Variants in MGMT observed in about 807,000 individuals in gnomAD.
MGMT encodes the protein O-6-methylguanine-DNA methyltransferase, also known as methylated-DNA--protein-cysteine methyltransferase.
MGMT carries 14 observed loss-of-function variants against 15.9 expected under a neutral mutation model. The observed-to-expected ratio is 0.88, with a 90% confidence interval of 0.58 to 1.37. The LOEUF (loss-of-function observed/expected upper bound fraction) is 1.37, where lower values mean the gene tolerates loss of function less well. MGMT is among the 40% of genes most tolerant of loss of function. The probability of loss-of-function intolerance (pLI) is 0.00; values close to 1 mark genes in which losing one functional copy is unlikely to be tolerated. For missense variants in MGMT, 282 were observed against 268.1 expected (o/e 1.05, Z -0.36); for synonymous variants, 130 against 118.2 (o/e 1.10, Z -0.65).
chr10:129,525,132 A>G (rs1845855524), intron 1 of MGMT, among the ~76,000 whole-genome samples: 1 of 152,202 alleles, frequency 6.6e-6, no homozygotes, highest in Non-Finnish European at 1.5e-5. Flanking sequence ...TCACACACAC[A>G]CACAGCAGTT....
At chr10:129,721,571 T>C (rs1848371703) in intron 3 of MGMT, among the ~76,000 whole-genome samples, 1 of 152,250 alleles carries the variant, frequency 6.6e-6, no homozygotes, top group African/African-American at 2.4e-5. Flanking sequence ...AATAAAGATG[T>C]ATTTTGTAGT....
At chr10:129,738,504 T>C (rs1848592869) in intron 3 of MGMT, among the ~76,000 whole-genome samples, 1 of 152,194 alleles carries the variant, frequency 6.6e-6, no homozygotes, top group Non-Finnish European at 1.5e-5. Context: ...AATGCAGAAA[T>C]CACCCATCTT....
rs1401725252 is a variant in MGMT at position 129,734,928 on chromosome 10, A to G, written c.275-24274A>G. 3.3e-4 allele frequency among the ~76,000 whole-genome samples: 50 copies of G among 152,308 alleles called. 2 individuals are homozygous for G. In the South Asian group the frequency reaches 4.8e-3, roughly 15 times the overall value. The stretch of plus-strand genomic sequence containing the variant: ...GATGAAGCCCACTTGATCATGGTGG[A>G]TCAGCTTTTTGATGTGCTGCTGGAT... On this transcript the variant is annotated intron_variant, in intron 3 of 4. Coordinates refer to ENST00000651593, the MANE Select transcript of MGMT (RefSeq NM_002412.5).
At position 129,498,911 on chromosome 10, in the gene MGMT, G is replaced by A. The variant is rs763921752; in HGVS notation, c.-13+31615G>A. 5.3e-5 allele frequency among the ~76,000 whole-genome samples: 8 copies of A among 152,262 alleles called. No individual in the cohort carries two copies. The East Asian group carries it at 7.7e-4, about 15-fold the overall frequency. On this transcript the variant is annotated intron_variant, in intron 1 of 4. Transcript: ENST00000651593. ...GGGCTGTATGTGTGTCTACTGACCC[G>A]TGCATCTGCATTTATTTCTGTGTCT...
chr10:129,529,086 GT>G (rs1845902036), intron 1 of MGMT, among the ~76,000 whole-genome samples: 1 of 152,050 alleles, frequency 6.6e-6, no homozygotes, highest in Non-Finnish European at 1.5e-5. Context: ...TGAGATGACA[GT>G]GGCCACTGTG....
At chr10:129,603,515 G>A (rs554092339) in intron 2 of MGMT, among the ~76,000 whole-genome samples, 1 of 152,214 alleles carries the variant, frequency 6.6e-6, no homozygotes, top group South Asian at 2.1e-4. Flanking sequence ...TTTTTTATTT[G>A]GTATTTCAAG....
intron 2 of MGMT, among the ~76,000 whole-genome samples, chr10:129,541,772 G>A (rs576810412): frequency 2.6e-5 from 4 of 152,284 alleles, no homozygotes; most frequent in East Asian, 1.9e-4. Context: ...TTTGTATTTT[G>A]GAAAATGTGG....
intron 1 of MGMT, among the ~76,000 whole-genome samples, chr10:129,504,620 A>G (rs556243072): frequency 3.3e-5 from 5 of 152,312 alleles, no homozygotes; most frequent in Admixed American, 3.3e-4. Context: ...AGTGCTTTCA[A>G]ATTCTCAATA....
intron 1 of MGMT, among the ~76,000 whole-genome samples, chr10:129,527,891 C>A (rs1034767102): frequency 5.9e-5 from 9 of 152,056 alleles, no homozygotes; most frequent in Non-Finnish European, 1.2e-4. Context: ...GTGCTGCTTC[C>A]AGCGCCAGTG....
intron 1 of MGMT, among the ~76,000 whole-genome samples, chr10:129,523,848 A>G (rs1845840076): frequency 6.6e-6 from 1 of 152,146 alleles, no homozygotes; most frequent in Non-Finnish European, 1.5e-5. Flanking sequence ...TGAGTCCACA[A>G]TGTGCTTGTC....
intron 3 of MGMT, among the ~76,000 whole-genome samples, chr10:129,730,868 C>T (rs1848488220): frequency 6.6e-6 from 1 of 152,204 alleles, no homozygotes; most frequent in Admixed American, 6.5e-5. Context: ...AGGACAGTCA[C>T]AGTTTAATCA....
At chr10:129,643,413 TG>T (rs1261089843) in intron 2 of MGMT, among the ~76,000 whole-genome samples, 2 of 152,184 alleles carry the variant, frequency 1.3e-5, no homozygotes, top group Admixed American at 1.3e-4. Context: ...AGTAACTCCC[TG>T]GGGGCTGACA....
At chr10:129,743,598 G>A (rs938927957) in intron 3 of MGMT, among the ~76,000 whole-genome samples, 9 of 152,216 alleles carry the variant, frequency 5.9e-5, no homozygotes, top group Admixed American at 2.6e-4. Flanking sequence ...GTGCAAGTGC[G>A]TGCATTTAAT....
At chr10:129,476,870 G>T (rs897546856) in intron 1 of MGMT, among the ~76,000 whole-genome samples, 4 of 152,184 alleles carry the variant, frequency 2.6e-5, no homozygotes, top group Non-Finnish European at 5.9e-5. Flanking sequence ...AGACTGAGTG[G>T]CAGGGTCCAC....
At chr10:129,656,915 C>T (rs533563837) in intron 2 of MGMT, among the ~76,000 whole-genome samples, 27 of 152,146 alleles carry the variant, frequency 1.8e-4, no homozygotes, top group African/African-American at 6.5e-4. Flanking sequence ...GGTTTTTCCA[C>T]ACGTCTCAGA....
chr10:129,492,629 G>A (rs1307489291), intron 1 of MGMT, among the ~76,000 whole-genome samples: 2 of 152,284 alleles, frequency 1.3e-5, no homozygotes, highest in East Asian at 3.9e-4. Flanking sequence ...CTTCCCAGGT[G>A]GAGTGGCTTT....
In MGMT at chr10:129,488,217, G is replaced by C. The variant is rs114642330; in HGVS notation, c.-13+20921G>C. On this transcript the variant is annotated intron_variant, in intron 1 of 4. Transcript: ENST00000651593. ...GTTAAAGCAGATTAGACCCCAGTCA[G>C]TTAATCCACCTCCTCACCAAAACTT... 5.4e-3 allele frequency among the ~76,000 whole-genome samples: 816 copies of C among 152,244 alleles called. 8 individuals are homozygous for C. Among genetic ancestry groups the C allele is most frequent in the African/African-American group, 0.018 (765 of 41,530 alleles).
intron 3 of MGMT, among the ~76,000 whole-genome samples, chr10:129,711,276 T>A (rs2133145639): frequency 6.6e-6 from 1 of 152,226 alleles, no homozygotes; most frequent in East Asian, 1.9e-4. Context: ...AAATTGCTAT[T>A]TTTTAGGTTA....
chr10:129,691,782 C>T (rs144949643), intron 2 of MGMT, among the ~76,000 whole-genome samples: 59 of 152,282 alleles, frequency 3.9e-4, no homozygotes, highest in African/African-American at 1.3e-3. Context: ...CCTGAGTTCT[C>T]TGTTCCAGGG....
Sources: gnomAD v4.1 joint callset for allele counts (sites outside exome capture counted in the v4.1 genomes callset) on GRCh38, gnomAD v4.1.1 for gene constraint, MANE v1.5 for transcripts, NCBI Gene and HGNC (gene_info 2026-07-23, HGNC 2026-07-21) for gene names.